Variants in GLIS3 observed in about 807,000 individuals in gnomAD.
GLIS3 encodes the protein GLIS family zinc finger 3, also known as zinc finger protein GLIS3.
Under a neutral mutation model 78.6 loss-of-function variants are expected in GLIS3, and 53 were observed. That is an observed-to-expected ratio of 0.67 (90% CI 0.54 to 0.85). GLIS3 has a LOEUF of 0.85. Ranked by LOEUF, GLIS3 falls within the 40% of genes least tolerant of loss-of-function variation. The pLI, the probability that GLIS3 is intolerant of heterozygous loss-of-function variation, is 0.00. For missense variants in GLIS3, 1,703 were observed against 1,231.1 expected (o/e 1.38, Z -5.74); for synonymous variants, 684 against 509.9 (o/e 1.34, Z -4.60).
chr9:4,347,843 A>C (rs1398394023), intron 1 of GLIS3, among the ~76,000 whole-genome samples: 2 of 152,118 alleles, frequency 1.3e-5, no homozygotes, highest in Non-Finnish European at 2.9e-5. Context: ...TTTACTGGGT[A>C]ATTTTTTTAG....
the GLIS3 span, among the ~76,000 whole-genome samples, chr9:4,463,537 C>T: frequency 6.6e-6 from 1 of 152,100 alleles, no homozygotes; most frequent in South Asian, 2.1e-4. Flanking sequence ...AATAACCAAG[C>T]CGATTAGATT....
upstream of GLIS3, among the ~76,000 whole-genome samples, chr9:4,300,241 C>T (rs1408740184): frequency 4.6e-5 from 7 of 151,806 alleles, no homozygotes; most frequent in East Asian, 1.4e-3. Context: ...CACACACACA[C>T]ACACACTCCC....
chr9:3,890,018 T>C (rs995229882), intron 7 of GLIS3, among the ~76,000 whole-genome samples: 2 of 152,114 alleles, frequency 1.3e-5, no homozygotes, highest in African/African-American at 4.8e-5. Context: ...CACCTGAGAG[T>C]ATATTTTGAG....
intron 10 of GLIS3, 72 bp downstream of exon 10, chr9:3,829,238 C>T (rs917962553): frequency 1.0e-4 from 136 of 1,323,282 alleles, no homozygotes; most frequent in Non-Finnish European, 1.3e-4. Context: ...CAGCCCAGGT[C>T]GGTCACGGGC....
the GLIS3 span, among the ~76,000 whole-genome samples, chr9:4,434,611 G>C: frequency 3.3e-5 from 5 of 152,276 alleles, no homozygotes; most frequent in South Asian, 1.0e-3. Context: ...TGGATGAATG[G>C]ATGGATACAT....
chr9:4,478,428 T>C, the GLIS3 span, among the ~76,000 whole-genome samples: 1 of 152,100 alleles, frequency 6.6e-6, no homozygotes, highest in Non-Finnish European at 1.5e-5. Context: ...CTGGCCAACA[T>C]GGTGAAACCC....
At chr9:4,146,586 A>C (rs911845839) in intron 2 of GLIS3, among the ~76,000 whole-genome samples, 28 of 152,218 alleles carry the variant, frequency 1.8e-4, no homozygotes, top group African/African-American at 6.0e-4. Flanking sequence ...AAGATTGAAA[A>C]GAATAAAAGT....
In GLIS3 at chr9:4,117,970, C is replaced by T. The variant is rs1174313043; in HGVS notation, c.1508G>A (p.Arg503His). The T allele has an allele frequency of 1.9e-6, 3 of 1,613,460 alleles. No homozygotes were observed. The highest frequency in any genetic ancestry group is 1.1e-5 in the South Asian group (1 of 91,084). The change falls in exon 4 of 11, where the codon CGC (arginine) becomes CAC (histidine). Residue 503 changes from arginine to histidine, a missense_variant. Physicochemically the swap from Arg to His is conservative, Grantham distance 29 (BLOSUM62 0). Coordinates refer to ENST00000381971, the MANE Select transcript of GLIS3 (RefSeq NM_001042413.2). ...MDGIGGKHCCRWIDCSALYDQ... is the reference protein window; with the variant it reads ...MDGIGGKHCCHWIDCSALYDQ... ...GTACAGGGCGCTGCAGTCGATCCAG[C>T]GGCAGCAATGCTTGCCCCCGATGCC...
At chr9:3,920,986 C>T (rs1388729685) in intron 6 of GLIS3, among the ~76,000 whole-genome samples, 2 of 152,160 alleles carry the variant, frequency 1.3e-5, no homozygotes, top group Non-Finnish European at 1.5e-5. Flanking sequence ...CTTCTCATTA[C>T]AGTAATTTAT....
chr9:4,058,467 C>A (rs1826331026), intron 4 of GLIS3, among the ~76,000 whole-genome samples: 1 of 151,834 alleles, frequency 6.6e-6, no homozygotes, highest in Non-Finnish European at 1.5e-5. Context: ...AAAACAGTTC[C>A]CATCTCTTTG....
chr9:4,285,294 A>C (rs1378964219), intron 2 of GLIS3, among the ~76,000 whole-genome samples: 1 of 152,220 alleles, frequency 6.6e-6, no homozygotes, highest in Non-Finnish European at 1.5e-5. Flanking sequence ...TCAATTTCTA[A>C]TGTGTCGCTC....
intron 2 of GLIS3, among the ~76,000 whole-genome samples, chr9:4,323,006 T>C (rs1294770348): frequency 1.3e-5 from 2 of 152,198 alleles, no homozygotes; most frequent in Non-Finnish European, 2.9e-5. Context: ...TCCTGAATGG[T>C]ATTGCCTAGG....
At position 4,139,367 on chromosome 9, in the gene GLIS3, A is replaced by G. The variant is rs993873194; in HGVS notation, c.389-13426T>C. Among the ~76,000 whole-genome samples the G allele has an allele frequency of 2.0e-5, 3 of 152,244 alleles. No individual in the cohort carries two copies. The East Asian group carries it at 5.8e-4, about 29-fold the overall frequency. Reference sequence around the variant, plus strand: ...TGAATACAACTTTTAAGAACAATTCATAAGTCAAGTACAGTTCAAGGCCAC... The same window carrying G: ...TGAATACAACTTTTAAGAACAATTCGTAAGTCAAGTACAGTTCAAGGCCAC... On this transcript the variant is annotated intron_variant, in intron 2 of 10. Transcript: ENST00000381971.
At chr9:3,966,105 G>C (rs538544483) in intron 4 of GLIS3, among the ~76,000 whole-genome samples, 1 of 152,244 alleles carries the variant, frequency 6.6e-6, no homozygotes, top group East Asian at 1.9e-4. Context: ...CTTTAATCTA[G>C]AGTATAAGCT....
chr9:4,077,292 A>G (rs1368864820), intron 4 of GLIS3, among the ~76,000 whole-genome samples: 1 of 152,220 alleles, frequency 6.6e-6, no homozygotes, highest in Non-Finnish European at 1.5e-5. Flanking sequence ...GAAAGTATGC[A>G]CATTCTTAAG....
chr9:4,163,318 C>T (rs1031945421), intron 2 of GLIS3, among the ~76,000 whole-genome samples: 4 of 152,198 alleles, frequency 2.6e-5, no homozygotes, highest in African/African-American at 4.8e-5. Flanking sequence ...ATTTAATTTA[C>T]CTATGTCTGA....
At chr9:4,218,190 G>A (rs756553752) in intron 2 of GLIS3, among the ~76,000 whole-genome samples, 48 of 152,200 alleles carry the variant, frequency 3.2e-4, no homozygotes, top group Admixed American at 1.8e-3. Flanking sequence ...ATCAATCAGC[G>A]AGTCTTTGAT....
chr9:4,481,492 T>G, the GLIS3 span, among the ~76,000 whole-genome samples: 1 of 144,462 alleles, frequency 6.9e-6, no homozygotes, highest in Non-Finnish European at 1.5e-5. Flanking sequence ...AATTAATTAA[T>G]TAATTAATTA....
chr9:4,434,364 G>A, the GLIS3 span, among the ~76,000 whole-genome samples: 1 of 152,130 alleles, frequency 6.6e-6, no homozygotes, highest in Admixed American at 6.5e-5. Context: ...ATGACAGTAT[G>A]TCCAGGTCAA....
Sources: gnomAD v4.1 joint callset for allele counts (sites outside exome capture counted in the v4.1 genomes callset) on GRCh38, gnomAD v4.1.1 for gene constraint, MANE v1.5 for transcripts, NCBI Gene and HGNC (gene_info 2026-07-23, HGNC 2026-07-21) for gene names.